The following SIK2 variants were observed in gnomAD, a reference collection of about 807,000 sequenced individuals.
SIK2 encodes the protein salt inducible kinase 2.
A neutral mutation model predicts 103.2 loss-of-function variants in SIK2; 29 were observed. The observed-to-expected ratio is 0.28, with a 90% CI of 0.21 to 0.38. SIK2 has a LOEUF of 0.38. SIK2 is among the 10% of genes least tolerant of loss of function. The pLI, the probability that SIK2 is intolerant of heterozygous loss-of-function variation, is 1.00. For missense variants in SIK2, 879 were observed against 1,171.0 expected (o/e 0.75, Z 3.64); for synonymous variants, 412 against 446.1 (o/e 0.92, Z 0.96).
At chr11:111,644,362 G>T (rs975562071) in intron 3 of SIK2, among the ~76,000 whole-genome samples, 1 of 151,026 alleles carries the variant, frequency 6.6e-6, no homozygotes, top group African/African-American at 2.4e-5. Context: ...CCTGAAAGGA[G>T]TAAAGCCAAA....
rs747448661 is a variant in SIK2, at chr11:111,726,172, T to A, written c.*2043T>A. ...GTTTTCCCAAAATATACTACAGAAG[T>A]GCTACAATATTTGCGATATTAAAAT... On this transcript the variant is annotated 3_prime_UTR_variant, in exon 15 of 15. Transcript: ENST00000304987. 6.6e-6 allele frequency: 1 copy of A among 152,154 alleles called. No homozygotes were observed. Among genetic ancestry groups the A allele is most frequent in the African/African-American group, 2.4e-5 (1 of 41,436 alleles). 9.4% of individuals were successfully genotyped at this position (152,154 alleles called of 1,614,324 possible).
intron 3 of SIK2, among the ~76,000 whole-genome samples, chr11:111,686,134 A>G (rs1344176507): frequency 2.0e-5 from 3 of 152,128 alleles, no homozygotes; most frequent in African/African-American, 4.8e-5. Flanking sequence ...TATTGTATAA[A>G]TGTTAGTAAA....
intron 3 of SIK2, among the ~76,000 whole-genome samples, chr11:111,682,828 T>TACCTTGCCTGTGC (rs1287563508): frequency 2.0e-5 from 3 of 152,246 alleles, no homozygotes; most frequent in African/African-American, 7.2e-5. Flanking sequence ...ATTGCCTGTT[T>TACCTTGCCTGTGC]ACCTTGCCTG....
Position 111,703,241 on chromosome 11 carries a change from C to T in SIK2, c.766C>T (p.Pro256Ser). ...TATCCGAAGGATGTTGGTCCTAGACCCATCCAAACGGCTAACCATAGCCCA... is the reference window on the plus strand; with the variant it reads ...TATCCGAAGGATGTTGGTCCTAGACTCATCCAAACGGCTAACCATAGCCCA... ...HLIRRMLVLD[P>S]SKRLTIAQIK... is the part of the protein sequence containing the mutation. The change falls in exon 7 of 15, where the codon CCA becomes TCA. Residue 256 changes from proline (P) to serine (S), a missense_variant. Coordinates refer to ENST00000304987, the MANE Select transcript of SIK2 (RefSeq NM_015191.3). 1 of 1,614,056 alleles carries T rather than the reference C, an allele frequency of 6.2e-7. No homozygotes were observed.
intron 3 of SIK2, chr11:111,671,535 G>C (rs963372257): frequency 3.2e-6 from 1 of 315,476 alleles, no homozygotes; most frequent in African/African-American, 2.2e-5. Context: ...CCTCATACTT[G>C]ATCTGGTACA....
At chr11:111,697,567 A>C (rs560665690) in intron 4 of SIK2, among the ~76,000 whole-genome samples, 3 of 152,204 alleles carry the variant, frequency 2.0e-5, no homozygotes, top group Non-Finnish European at 4.4e-5. Flanking sequence ...CTATTTTTCA[A>C]ATGAGGAAAC....
intron 2 of SIK2, among the ~76,000 whole-genome samples, chr11:111,617,165 T>TGTC (rs1941818057): frequency 6.6e-6 from 1 of 152,152 alleles, no homozygotes; most frequent in Non-Finnish European, 1.5e-5. Context: ...CATTGTTTTT[T>TGTC]ATAGCTTTAG....
intron 3 of SIK2, among the ~76,000 whole-genome samples, chr11:111,625,836 A>G (rs1008496078): frequency 5.3e-5 from 8 of 152,356 alleles, no homozygotes; most frequent in African/African-American, 1.7e-4. Flanking sequence ...AGAGGCAATG[A>G]GTCAAGAGAA....
chr11:111,665,879 T>C (rs1032541288), intron 3 of SIK2, among the ~76,000 whole-genome samples: 2 of 151,702 alleles, frequency 1.3e-5, no homozygotes, highest in African/African-American at 4.8e-5. Context: ...AAAAGAAATA[T>C]TGGAAAAGCA....
chr11:111,724,567 T>C lies in SIK2; in HGVS notation c.*438T>C, dbSNP rs1035800067. 8 of 166,520 alleles carry C rather than the reference T, an allele frequency of 4.8e-5. No homozygotes were observed. The highest frequency in any genetic ancestry group is 1.9e-4 in the African/African-American group (8 of 41,810). 10.3% of individuals were successfully genotyped at this position (166,520 alleles called of 1,614,324 possible). A position where few individuals can be genotyped will look rare whatever the true frequency, so the allele number is the denominator to read the frequency against. ...TTCACTGAAGCTGAGCAACCACATATTGCTACAAGGCAAATCAAGAAGACA... is the reference window on the plus strand; with the variant it reads ...TTCACTGAAGCTGAGCAACCACATACTGCTACAAGGCAAATCAAGAAGACA... On this transcript the variant is annotated 3_prime_UTR_variant, in exon 15 of 15. Coordinates refer to ENST00000304987, the MANE Select transcript of SIK2 (RefSeq NM_015191.3).
intron 1 of SIK2, among the ~76,000 whole-genome samples, chr11:111,605,305 G>C (rs1331921482): frequency 1.3e-5 from 2 of 152,134 alleles, no homozygotes; most frequent in Non-Finnish European, 2.9e-5. Flanking sequence ...CAATTCCATT[G>C]TTAATGATGT....
At position 111,602,674 on chromosome 11, in the gene SIK2, G is replaced by A; in HGVS notation, c.111G>A (p.Gly37=). The A allele has an allele frequency of 6.5e-7, 1 of 1,527,018 alleles. No homozygotes were observed. Among genetic ancestry groups the A allele is most frequent in the East Asian group, 2.7e-5 (1 of 37,146 alleles). 94.6% of individuals were successfully genotyped at this position (1,527,018 alleles called of 1,614,324 possible). ...GCAACTTCGCTGTGGTGAAGCTGGG[G>A]CGGCACCGGATCACCAAGACGGAGG... ...GKGNFAVVKL[G]RHRITKTEVA... Residue 37 remains glycine (G), a synonymous_variant, in exon 1 of 15, where the codon GGG becomes GGA. Transcript: ENST00000304987. This position sits in a 1 kb window ranked among gnomAD's most constrained non-coding sequence, Gnocchi z 4.5.
chr11:111,620,379 A>G lies in SIK2; in HGVS notation c.293A>G (p.Tyr98Cys). Residue 98 changes from tyrosine (Y) to cysteine (C), a missense_variant, in exon 3 of 15, where the codon TAT (tyrosine) becomes TGT (cysteine). Coordinates refer to ENST00000304987, the MANE Select transcript of SIK2 (RefSeq NM_015191.3). ...TKSMLYLVTE[Y>C]AKNGEIFDYL... ...AGTATGTTGTACCTTGTGACAGAAT[A>G]TGCCAAAAATGGAGAAATTTTTGGT... 1.3e-6 allele frequency: 2 copies of G among 1,590,932 alleles called. No homozygotes were observed. Among genetic ancestry groups the G allele is most frequent in the Non-Finnish European group, 1.7e-6 (2 of 1,171,200 alleles).
At position 111,602,597 on chromosome 11, in the gene SIK2, C is replaced by G. The variant is rs1433791612; in HGVS notation, c.34C>G (p.Arg12Gly). 1 of 1,532,624 alleles carries G rather than the reference C, an allele frequency of 6.5e-7. No homozygotes were observed. Among genetic ancestry groups the G allele is most frequent in the South Asian group, 1.2e-5 (1 of 82,588 alleles). The allele number at this position is 1,532,624 out of a possible 1,614,324, so 94.9% of individuals were successfully genotyped here. A position where few individuals can be genotyped will look rare whatever the true frequency, so the allele number is the denominator to read the frequency against. Residue 12 changes from arginine to glycine, a missense_variant, in exon 1 of 15, where the codon CGC (arginine) becomes GGC (glycine). By Grantham distance (125) the Arg-to-Gly change is moderately radical. Transcript: ENST00000304987. The surrounding 1 kb of genome is among the most constrained non-coding windows in gnomAD (Gnocchi z 4.5). ...GGCGGATGGCCCGAGGCACTTGCAGCGCGGGCCGGTCCGGGTGGGGTTCTA... is the reference window on the plus strand; with the variant it reads ...GGCGGATGGCCCGAGGCACTTGCAGGGCGGGCCGGTCCGGGTGGGGTTCTA... ...VMADGPRHLQ[R>G]GPVRVGFYDI...
At position 111,726,864 on chromosome 11, in the gene SIK2, G is replaced by GA. The variant is rs1161958238; in HGVS notation, c.*2736dup. The GA allele has an allele frequency of 1.4e-5, 15 of 1,053,736 alleles. No homozygotes were observed. In the Admixed American group the frequency reaches 3.0e-4, roughly 21 times the overall value. The allele number at this position is 1,053,736 out of a possible 1,614,324, so 65.3% of individuals were successfully genotyped here. ...ACCCTGTAAACCAGGCTCCTCTGAAGAGACTTTGGTGAGATGAACGTGAGG... is the reference window on the plus strand; with the variant it reads ...ACCCTGTAAACCAGGCTCCTCTGAAGAAGACTTTGGTGAGATGAACGTGAGG... On this transcript the variant is annotated 3_prime_UTR_variant, in exon 15 of 15. Transcript: ENST00000304987.
At chr11:111,663,861 T>TA (rs1390865240) in intron 3 of SIK2, among the ~76,000 whole-genome samples, 1 of 152,208 alleles carries the variant, frequency 6.6e-6, no homozygotes, top group African/African-American at 2.4e-5. Flanking sequence ...TGGGAATGGA[T>TA]AGAGTTATTA....
intron 3 of SIK2, among the ~76,000 whole-genome samples, chr11:111,629,831 T>A (rs1243432237): frequency 6.6e-6 from 1 of 152,166 alleles, no homozygotes; most frequent in Admixed American, 6.5e-5. Context: ...AATTTTAGGC[T>A]GTGAAGCAAC....
At chr11:111,699,579 T>C (rs1345469625) in intron 4 of SIK2, among the ~76,000 whole-genome samples, 2 of 152,242 alleles carry the variant, frequency 1.3e-5, no homozygotes, top group East Asian at 3.8e-4. Flanking sequence ...GTAGTTCTCA[T>C]AACTTCATAG....
chr11:111,635,607 G>A (rs1479002834), intron 3 of SIK2, among the ~76,000 whole-genome samples: 9 of 152,096 alleles, frequency 5.9e-5, no homozygotes, highest in Admixed American at 5.9e-4. Flanking sequence ...TTTTCAACAT[G>A]GATTTGAAGA....
Sources: allele counts gnomAD v4.1 joint callset (sites outside exome capture counted in the v4.1 genomes callset), GRCh38; gene constraint gnomAD v4.1.1; non-coding constraint Gnocchi (gnomAD v3.1); transcripts MANE v1.5; gene names NCBI Gene and HGNC (gene_info 2026-07-23, HGNC 2026-07-21).